The following TBCD variants were observed in gnomAD, a reference collection of about 807,000 sequenced individuals.
TBCD encodes the protein tubulin-specific chaperone D.
A neutral mutation model predicts 169.3 loss-of-function variants in TBCD; 105 were observed. The observed-to-expected ratio is 0.62, with a 90% CI of 0.53 to 0.73. The LOEUF is 0.73. Among genes scored for constraint, TBCD ranks in the 30% least tolerant of loss-of-function variants. The probability of loss-of-function intolerance (pLI) is 0.00; values close to 1 mark genes in which losing one functional copy is unlikely to be tolerated. For synonymous variants in TBCD, 700 were observed against 643.9 expected (o/e 1.09, Z -1.32); for missense variants, 1,444 against 1,600.1 (o/e 0.90, Z 1.66).
chr17:82,822,885 G>A (rs1242286546), intron 13 of TBCD, among the ~76,000 whole-genome samples: 1 of 152,194 alleles, frequency 6.6e-6, no homozygotes, highest in Non-Finnish European at 1.5e-5. Flanking sequence ...GGGAGTGAGA[G>A]ATGAGGAAGG....
At chr17:82,870,504 A>T in intron 14 of TBCD, 124 bp downstream of exon 14, 1 of 1,308,020 alleles carries the variant, frequency 7.6e-7, no homozygotes. Context: ...TGGCCAGAGG[A>T]TCTGTGACAA....
chr17:82,805,885 G>T lies in TBCD; in HGVS notation c.961G>T (p.Gly321Cys). 1 of 1,609,050 alleles carries T rather than the reference G, an allele frequency of 6.2e-7. No individual in the cohort carries two copies. Among genetic ancestry groups the T allele is most frequent in the African/African-American group, 1.3e-5 (1 of 74,974 alleles). The change falls in exon 10 of 39, where the codon GGC becomes TGC. Residue 321 changes from glycine (G) to cysteine (C), a missense_variant. Physicochemically the swap from Gly to Cys is radical, Grantham distance 159. Coordinates refer to ENST00000355528, the MANE Select transcript of TBCD (RefSeq NM_005993.5). ...CTTTGCTTTGCACAGGTACCAGCGT[G>T]GCTGCCGATCTTTGGCTGCAAATCT... is the stretch of plus-strand genomic sequence containing the variant. ...PKVAAWRYQR[G>C]CRSLAANLQL... is the part of the protein sequence containing the mutation.
chr17:82,850,643 T>TTTTGC (rs1334192789), intron 13 of TBCD, among the ~76,000 whole-genome samples: 6 of 151,736 alleles, frequency 4.0e-5, no homozygotes, highest in Non-Finnish European at 7.4e-5. Flanking sequence ...GGCTGTGCTG[T>TTTTGC]TGTTGGCTGT....
intron 13 of TBCD, chr17:82,830,425 T>G (rs1415335930): frequency 6.2e-7 from 1 of 1,611,742 alleles, no homozygotes; most frequent in Admixed American, 1.7e-5. Context: ...CGTCTGCTTC[T>G]GCTCCTCGCT....
At chr17:82,937,111 A>T (rs1328950878) in intron 34 of TBCD, 160 bp from the exon 35 acceptor site, 1 of 628,028 alleles carries the variant, frequency 1.6e-6, no homozygotes, top group Admixed American at 2.8e-5. Context: ...AGGTATTGGG[A>T]TGGGGACCAG....
rs1675568458 is a variant in TBCD at position 82,945,794 on chromosome 17, GC to G, written c.*3335del. On this transcript the variant is annotated 3_prime_UTR_variant, in exon 39 of 39. Transcript: ENST00000355528. ...ACACTGCCAAATATCTTCTGGGGGT[GC>G]CCCTGGTTGAGAACCACTGCTTTAG... 6.6e-6 allele frequency: 1 copy of G among 152,230 alleles called. No individual in the cohort carries two copies. Among genetic ancestry groups the G allele is most frequent in the South Asian group, 2.1e-4 (1 of 4,830 alleles). The allele number at this position is 152,230 out of a possible 1,614,324, so 9.4% of individuals were successfully genotyped here. A position where few individuals can be genotyped will look rare whatever the true frequency, so the allele number is the denominator to read the frequency against.
intron 30 of TBCD, among the ~76,000 whole-genome samples, chr17:82,928,644 G>C (rs1191289878): frequency 2.0e-5 from 3 of 152,114 alleles, no homozygotes; most frequent in Non-Finnish European, 2.9e-5. Context: ...CTCTCTGTCA[G>C]GGACACTCGG....
At chr17:82,838,322 GAGAA>G in intron 13 of TBCD, among the ~76,000 whole-genome samples, 1 of 140,280 alleles carries the variant, frequency 7.1e-6, no homozygotes, top group South Asian at 2.2e-4. Flanking sequence ...AAATAGACAA[GAGAA>G]AGAGTTCTTA....
Position 82,884,285 on chromosome 17 carries a change from C to A in TBCD, c.1533+83C>A. On this transcript the variant is annotated intron_variant, in intron 15 of 38. Coordinates refer to ENST00000355528, the MANE Select transcript of TBCD (RefSeq NM_005993.5). This position sits in a 1 kb window ranked among gnomAD's most constrained non-coding sequence, Gnocchi z 4.2. ...CCTGATGCTCCTCTGTGCACTGCTG[C>A]CTGGCCAGCTCACCCATCCACAGCA... 7.5e-7 allele frequency: 1 copy of A among 1,328,490 alleles called. No individual in the cohort carries two copies. Among genetic ancestry groups the A allele is most frequent in the South Asian group, 1.3e-5 (1 of 79,748 alleles). 82.3% of individuals were successfully genotyped at this position (1,328,490 alleles called of 1,614,324 possible). A position where few individuals can be genotyped will look rare whatever the true frequency, so the allele number is the denominator to read the frequency against.
rs762127303 is a variant in TBCD, at chr17:82,766,317, T to C, written c.384T>C (p.Asp128=). The part of the protein sequence containing the change: ...FLRLFPHEVA[D]VEPVLDLVTI... Reference sequence around the variant, plus strand: ...GTTTATTTCCTCATGAAGTTGCCGATGTAGAGCCTGTTTTAGATTTGGTCA... The same window carrying C: ...GTTTATTTCCTCATGAAGTTGCCGACGTAGAGCCTGTTTTAGATTTGGTCA... Residue 128 remains aspartate (D), a synonymous_variant, in exon 4 of 39, where the codon GAT becomes GAC. Coordinates refer to ENST00000355528, the MANE Select transcript of TBCD (RefSeq NM_005993.5). The C allele has an allele frequency of 1.5e-5, 24 of 1,613,406 alleles. No homozygotes were observed. The highest frequency in any genetic ancestry group is 1.2e-4 in the South Asian group (11 of 90,884).
chr17:82,829,378 T>C (rs568503183), intron 13 of TBCD: 4 of 155,030 alleles, frequency 2.6e-5, no homozygotes, highest in Admixed American at 6.5e-5. Flanking sequence ...CGTTCACAGG[T>C]TAATCGCTGC....
Position 82,892,599 on chromosome 17 carries a change from C to T in TBCD, c.1564-948C>T, listed in dbSNP as rs373821741. ...CTGGCTGTTCAGTTACGTTGACTTG[C>T]GAAGCTATTACATGAAGGTGTGAGG... On this transcript the variant is annotated intron_variant, in intron 16 of 38. Transcript: ENST00000355528. 9.3e-4 allele frequency among the ~76,000 whole-genome samples: 142 copies of T among 152,138 alleles called. 1 individual carries two copies. The highest frequency in any genetic ancestry group is 3.3e-3 in the African/African-American group (137 of 41,492).
intron 21 of TBCD, 135 bp from the exon 22 acceptor site, chr17:82,909,150 C>A: frequency 1.6e-6 from 1 of 640,186 alleles, no homozygotes; most frequent in Non-Finnish European, 2.6e-6. Context: ...CCGTCCTCAG[C>A]CCCCTAGGCG....
chr17:82,939,251 A>G (rs1027029951), intron 36 of TBCD, 116 bp from the exon 37 acceptor site: 1 of 797,946 alleles, frequency 1.3e-6, no homozygotes, highest in African/African-American at 1.7e-5. Context: ...ATGCAGGGTC[A>G]GCGTCCTCCT....
rs2048140698 is a variant in TBCD at position 82,768,554 on chromosome 17, C to A, written c.570C>A (p.Leu190=). 2 of 1,613,922 alleles carry A rather than the reference C, an allele frequency of 1.2e-6. No homozygotes were observed. Among genetic ancestry groups the A allele is most frequent in the Middle Eastern group, 1.7e-4 (1 of 6,060 alleles). ...QARMSIMDRI[L]QIAESYLIVS... is the part of the protein sequence containing the mutation. ...GAATGTCCATAATGGACCGTATTCT[C>A]CAAATAGCAGAGGTAAATATCATGC... The change falls in exon 5 of 39, where the codon CTC becomes CTA. Residue 190 remains leucine, a synonymous_variant. Transcript: ENST00000355528.
intron 37 of TBCD, among the ~76,000 whole-genome samples, chr17:82,939,935 T>G (rs770179013): frequency 6.6e-6 from 1 of 152,214 alleles, no homozygotes; most frequent in Non-Finnish European, 1.5e-5. Flanking sequence ...CTCAGGGCCA[T>G]GAGGCCCTCA....
chr17:82,757,410 C>T (rs1332850654), intron 2 of TBCD, among the ~76,000 whole-genome samples: 3 of 151,832 alleles, frequency 2.0e-5, no homozygotes, highest in Non-Finnish European at 4.4e-5. Flanking sequence ...CACTTGAGGT[C>T]GGGAGTTCGA....
intron 7 of TBCD, among the ~76,000 whole-genome samples, chr17:82,797,190 A>G (rs566284680): frequency 6.6e-6 from 1 of 152,136 alleles, no homozygotes; most frequent in Non-Finnish European, 1.5e-5. Context: ...TTGAGAGAAA[A>G]TCTGATATTC....
chr17:82,752,232 G>A lies in TBCD; in HGVS notation c.39G>A (p.Glu13=), dbSNP rs1330927173. The A allele has an allele frequency of 1.3e-6, 2 of 1,526,018 alleles. No individual in the cohort carries two copies. Among genetic ancestry groups the A allele is most frequent in the East Asian group, 2.6e-5 (1 of 37,950 alleles). 94.5% of individuals were successfully genotyped at this position (1,526,018 alleles called of 1,614,324 possible). A position where few individuals can be genotyped will look rare whatever the true frequency, so the allele number is the denominator to read the frequency against. ...LSDEPAAGGP[E]EEAEDETLAF... is the part of the protein sequence containing the mutation. ...ACGAACCGGCCGCGGGCGGCCCCGA[G>A]GAGGAGGCGGAGGACGAGACACTGG... Residue 13 remains glutamate, a synonymous_variant, in exon 1 of 39, where the codon GAG becomes GAA. Transcript: ENST00000355528.
Sources: allele counts gnomAD v4.1 joint callset (sites outside exome capture counted in the v4.1 genomes callset), GRCh38; gene constraint gnomAD v4.1.1; non-coding constraint Gnocchi (gnomAD v3.1); transcripts MANE v1.5; gene names NCBI Gene and HGNC (gene_info 2026-07-23, HGNC 2026-07-21).